The following IGSF21 variants were observed in gnomAD, a reference collection of about 807,000 sequenced individuals.
The protein encoded by IGSF21 is immunoglobulin superfamily member 21.
In IGSF21, 28 loss-of-function variants were observed where a neutral mutation model predicts 46.8. The observed-to-expected ratio is 0.60, with a 90% confidence interval of 0.44 to 0.82. IGSF21 has a LOEUF of 0.82. Ranked by LOEUF, IGSF21 falls within the 40% of genes least tolerant of loss-of-function variation. The pLI, the probability that IGSF21 is intolerant of heterozygous loss-of-function variation, is 0.00. For synonymous variants in IGSF21, 284 were observed against 273.6 expected (o/e 1.04, Z -0.38); for missense variants, 624 against 665.5 (o/e 0.94, Z 0.69).
chr1:18,201,757 T>A (rs187846725), intron 1 of IGSF21, among the ~76,000 whole-genome samples: 40 of 152,310 alleles, frequency 2.6e-4, no homozygotes, highest in African/African-American at 8.9e-4. Flanking sequence ...TCCCATCCCA[T>A]GCCGAAGATT....
At chr1:18,317,887 A>G (rs2085559038) in intron 3 of IGSF21, among the ~76,000 whole-genome samples, 1 of 152,200 alleles carries the variant, frequency 6.6e-6, no homozygotes, top group Non-Finnish European at 1.5e-5. Flanking sequence ...CCCAAATTGT[A>G]AGGTGAGGAG....
chr1:18,238,503 G>A (rs899208081), intron 2 of IGSF21, among the ~76,000 whole-genome samples: 8 of 152,108 alleles, frequency 5.3e-5, no homozygotes, highest in Admixed American at 1.3e-4. Context: ...GAAGGGGAGC[G>A]GTTTTTGACC....
At chr1:18,201,218 G>T (rs2087070957) in intron 1 of IGSF21, among the ~76,000 whole-genome samples, 1 of 152,160 alleles carries the variant, frequency 6.6e-6, no homozygotes, top group African/African-American at 2.4e-5. Flanking sequence ...GTCAGGGACT[G>T]AGCGCGTGCT....
chr1:18,348,155 C>G (rs992894937), intron 4 of IGSF21, among the ~76,000 whole-genome samples: 6 of 152,194 alleles, frequency 3.9e-5, no homozygotes, highest in African/African-American at 1.4e-4. Context: ...AAGTAACTTG[C>G]CCAAGGTCAC....
intron 4 of IGSF21, among the ~76,000 whole-genome samples, chr1:18,343,095 C>T (rs2085859289): frequency 6.6e-6 from 1 of 152,216 alleles, no homozygotes; most frequent in Non-Finnish European, 1.5e-5. Context: ...TTTGTCGACA[C>T]TTGTTACTAT....
chr1:18,307,499 G>A (rs897931139), intron 3 of IGSF21, among the ~76,000 whole-genome samples: 1 of 152,222 alleles, frequency 6.6e-6, no homozygotes, highest in African/African-American at 2.4e-5. Context: ...AAAAGATGGA[G>A]CTCAGAGAGG....
At chr1:18,330,451 G>C (rs551082145) in intron 3 of IGSF21, among the ~76,000 whole-genome samples, 1 of 152,200 alleles carries the variant, frequency 6.6e-6, no homozygotes, top group South Asian at 2.1e-4. Flanking sequence ...TATTTTTTTA[G>C]AAAATAACTT....
At chr1:18,302,671 T>A (rs1008482052) in intron 3 of IGSF21, among the ~76,000 whole-genome samples, 9 of 152,044 alleles carry the variant, frequency 5.9e-5, no homozygotes, top group African/African-American at 1.9e-4. Context: ...TGGCTAGGAG[T>A]CCCTCTGTGG....
At chr1:18,250,857 A>G (rs548948230) in intron 2 of IGSF21, among the ~76,000 whole-genome samples, 7 of 152,326 alleles carry the variant, frequency 4.6e-5, no homozygotes, top group Admixed American at 1.3e-4. Flanking sequence ...GAGGAGACAG[A>G]CCATTAATTA....
chr1:18,111,951 C>T (rs1398406858), intron 1 of IGSF21: 1 of 152,206 alleles, frequency 6.6e-6, no homozygotes, highest in Non-Finnish European at 1.5e-5. Flanking sequence ...GCCTGCTACT[C>T]TGATATTTCA....
intron 4 of IGSF21, among the ~76,000 whole-genome samples, chr1:18,338,979 C>T (rs72938733): frequency 1.3e-5 from 2 of 152,136 alleles, no homozygotes; most frequent in African/African-American, 2.4e-5. Flanking sequence ...CCATCCCCAC[C>T]GAAGTTAAAA....
intron 1 of IGSF21, among the ~76,000 whole-genome samples, chr1:18,205,636 C>T (rs538582660): frequency 3.6e-4 from 55 of 152,244 alleles, no homozygotes; most frequent in Middle Eastern, 3.4e-3. Context: ...ACTGCCCAAG[C>T]GTTTGATTTT....
At chr1:18,156,556 G>C (rs1254325881) in intron 1 of IGSF21, among the ~76,000 whole-genome samples, 1 of 152,204 alleles carries the variant, frequency 6.6e-6, no homozygotes, top group Non-Finnish European at 1.5e-5. Flanking sequence ...GTTCACTCTT[G>C]CTGAGCCCCC....
In IGSF21 at chr1:18,172,972, T is replaced by C. The variant is rs1193580686; in HGVS notation, c.71-54926T>C. ...ATCCTACTCTGGGAAAGATAATTAA[T>C]ATAAAATTTTTCACATTTTAAAAAA... On this transcript the variant is annotated intron_variant, in intron 1 of 9. Transcript: ENST00000251296. 3.3e-5 allele frequency among the ~76,000 whole-genome samples: 5 copies of C among 152,182 alleles called. No individual in the cohort carries two copies. In the East Asian group the frequency reaches 9.6e-4, roughly 29 times the overall value.
At chr1:18,252,837 C>A (rs223178) in intron 2 of IGSF21, among the ~76,000 whole-genome samples, 152,274 of 152,274 alleles carry the variant, frequency 1, 76,137 homozygotes, top group Non-Finnish European at 1. Flanking sequence ...TAGCTACTTA[C>A]CCTCTCTGAA....
chr1:18,199,463 G>A (rs189371755), intron 1 of IGSF21, among the ~76,000 whole-genome samples: 13 of 152,232 alleles, frequency 8.5e-5, no homozygotes, highest in South Asian at 2.1e-4. Context: ...ACATCCAGGC[G>A]CCCCTCGGAT....
At chr1:18,176,667 C>G (rs924104746) in intron 1 of IGSF21, among the ~76,000 whole-genome samples, 6 of 152,200 alleles carry the variant, frequency 3.9e-5, no homozygotes, top group Admixed American at 1.3e-4. Flanking sequence ...ACCTTCTTCC[C>G]ACCATGGAAG....
chr1:18,334,976 C>G lies in IGSF21; in HGVS notation c.390C>G (p.Val130=). ...ACCGCGCCACCAGGGAGAAGGTGGTCCTGGCATCAGGCAACATCTTCCTCA... is the reference window on the plus strand; with the variant it reads ...ACCGCGCCACCAGGGAGAAGGTGGTGCTGGCATCAGGCAACATCTTCCTCA... ...IYDRATREKV[V]LASGNIFLNV... The change falls in exon 4 of 10, where the codon GTC becomes GTG. Residue 130 remains valine, a synonymous_variant. Transcript: ENST00000251296. The surrounding 1 kb of genome is among the most constrained non-coding windows in gnomAD (Gnocchi z 4.3). 1.2e-6 allele frequency: 2 copies of G among 1,614,116 alleles called. No individual in the cohort carries two copies. The highest frequency in any genetic ancestry group is 1.7e-6 in the Non-Finnish European group (2 of 1,179,978).
At chr1:18,169,378 C>A (rs1298535381) in intron 1 of IGSF21, among the ~76,000 whole-genome samples, 1 of 152,172 alleles carries the variant, frequency 6.6e-6, no homozygotes, top group East Asian at 1.9e-4. Context: ...GAAGCCCAGG[C>A]GTATTTCTTT....
Sources: allele counts gnomAD v4.1 joint callset (sites outside exome capture counted in the v4.1 genomes callset), GRCh38; gene constraint gnomAD v4.1.1; non-coding constraint Gnocchi (gnomAD v3.1); transcripts MANE v1.5; gene names NCBI Gene and HGNC (gene_info 2026-07-23, HGNC 2026-07-21).